ATP2C2: variants seen among roughly 807,000 people sequenced by gnomAD.
ATP2C2 encodes the protein calcium-transporting ATPase type 2C member 2.
ATP2C2 carries 171 observed loss-of-function variants against 110.8 expected under a neutral mutation model. That is an observed-to-expected ratio of 1.54 (90% CI 1.36 to 1.75). The LOEUF (loss-of-function observed/expected upper bound fraction) is 1.75, where lower values mean the gene tolerates loss of function less well. Among genes scored for constraint, ATP2C2 ranks in the 40% most tolerant of loss-of-function variants. The pLI, the probability that ATP2C2 is intolerant of heterozygous loss-of-function variation, is 0.00. For synonymous variants in ATP2C2, 804 were observed against 508.4 expected (o/e 1.58, Z -7.82); for missense variants, 1,963 against 1,235.0 (o/e 1.59, Z -8.84).
Position 84,440,783 on chromosome 16 carries a change from C to T in ATP2C2, c.1210-74C>T. 6.1e-6 allele frequency: 7 copies of T among 1,141,622 alleles called. No individual in the cohort carries two copies. In the South Asian group the frequency reaches 9.1e-5, roughly 15 times the overall value. The allele number at this position is 1,141,622 out of a possible 1,614,324, so 70.7% of individuals were successfully genotyped here. On this transcript the variant is annotated intron_variant, in intron 13 of 26. Transcript: ENST00000262429. The stretch of plus-strand genomic sequence containing the variant: ...GTGTCCCTGGAATGGATCCCCAGGA[C>T]AGAGATTGTGGGCCAACTGGGGGAG...
At chr16:84,437,813 G>C (rs1166839812) in intron 11 of ATP2C2, among the ~76,000 whole-genome samples, 3 of 152,216 alleles carry the variant, frequency 2.0e-5, no homozygotes, top group African/African-American at 7.2e-5. Flanking sequence ...ACCACCCCCT[G>C]CCTAGAACAT....
At chr16:84,375,953 G>A (rs900473047) in intron 1 of ATP2C2, among the ~76,000 whole-genome samples, 15 of 152,188 alleles carry the variant, frequency 9.9e-5, no homozygotes, top group African/African-American at 3.4e-4. Flanking sequence ...TTCTGGGCTC[G>A]GTGGGGGTAG....
intron 7 of ATP2C2, among the ~76,000 whole-genome samples, chr16:84,421,204 T>G (rs1268596203): frequency 1.3e-5 from 2 of 152,200 alleles, no homozygotes; most frequent in Admixed American, 6.5e-5. Context: ...TGACTTCTTA[T>G]GCTTCATTGT....
intron 17 of ATP2C2, among the ~76,000 whole-genome samples, chr16:84,450,077 C>CT: frequency 6.6e-6 from 1 of 152,362 alleles, no homozygotes; most frequent in Non-Finnish European, 1.5e-5. Context: ...GGGACTTGCT[C>CT]CAGGCCTTGC....
intron 1 of ATP2C2, among the ~76,000 whole-genome samples, chr16:84,390,935 C>A (rs1288902524): frequency 9.2e-5 from 14 of 151,846 alleles, no homozygotes; most frequent in Admixed American, 9.2e-4. Flanking sequence ...CCAACATGTT[C>A]AAACCCCGTC....
At chr16:84,456,436 CAG>C (rs1472641330) in intron 21 of ATP2C2, among the ~76,000 whole-genome samples, 1 of 149,996 alleles carries the variant, frequency 6.7e-6, no homozygotes, top group Non-Finnish European at 1.5e-5. Flanking sequence ...TGGCACAAGA[CAG>C]GGATGCCCTC....
chr16:84,368,569 C>T lies in ATP2C2; in HGVS notation c.-47C>T, dbSNP rs200474775. The T allele has an allele frequency of 3.1e-4, 443 of 1,438,348 alleles. 4 individuals are homozygous for T. The African/African-American group carries it at 5.9e-3, about 19-fold the overall frequency. The allele number at this position is 1,438,348 out of a possible 1,614,324, so 89.1% of individuals were successfully genotyped here. Reference sequence around the variant, plus strand: ...CTTGGGCGCGCGCAGCCATCCCGGGCCTCGCCGGGGACCTAGGGACGCAGG... The same window carrying T: ...CTTGGGCGCGCGCAGCCATCCCGGGTCTCGCCGGGGACCTAGGGACGCAGG... On this transcript the variant is annotated 5_prime_UTR_variant, in exon 1 of 27. Coordinates refer to ENST00000262429, the MANE Select transcript of ATP2C2 (RefSeq NM_014861.4).
chr16:84,439,642 C>T (rs1474041711), intron 13 of ATP2C2, 118 bp downstream of exon 13: 4 of 958,208 alleles, frequency 4.2e-6, no homozygotes, highest in Admixed American at 2.0e-5. Context: ...TTGGGGTCAT[C>T]TTATAATCTC....
intron 11 of ATP2C2, 189 bp from the exon 12 acceptor site, chr16:84,438,977 G>T: frequency 1.4e-6 from 1 of 729,158 alleles, no homozygotes; most frequent in Non-Finnish European, 2.1e-6. Flanking sequence ...GGGTCTGCAG[G>T]GGAGGGCTCA....
At chr16:84,422,255 T>C in intron 7 of ATP2C2, 135 bp from the exon 8 acceptor site, 2 of 1,066,348 alleles carry the variant, frequency 1.9e-6, no homozygotes, top group Admixed American at 2.7e-5. Context: ...GAGGCCGTCG[T>C]TGTGACACTC....
rs920558436 is a variant in ATP2C2 at position 84,452,325 on chromosome 16, C to T, written c.1831+234C>T. On this transcript the variant is annotated intron_variant, in intron 18 of 26. Transcript: ENST00000262429. ...GGGAAGTTCTCATGGATACTGAGGACCTACTGTGTGTCAGGGGCTTTTCAT... is the reference window on the plus strand; with the variant it reads ...GGGAAGTTCTCATGGATACTGAGGATCTACTGTGTGTCAGGGGCTTTTCAT... Among the ~76,000 whole-genome samples, 8 of 152,230 alleles carry T rather than the reference C, an allele frequency of 5.3e-5. No homozygotes were observed. In the East Asian group the frequency reaches 9.7e-4, roughly 18 times the overall value.
chr16:84,408,366 G>T (rs781723787), intron 3 of ATP2C2, 39 bp from the exon 4 acceptor site: 1 of 1,587,570 alleles, frequency 6.3e-7, no homozygotes, highest in Middle Eastern at 1.7e-4. Context: ...TGGTCCCTGA[G>T]ACTAAAGAAC....
rs1232311730 is a variant in ATP2C2, at chr16:84,459,287, G to C, written c.2234G>C (p.Ser745Thr). 6 of 1,614,186 alleles carry C rather than the reference G, an allele frequency of 3.7e-6. No homozygotes were observed. In the Middle Eastern group the frequency reaches 6.6e-4, roughly 178 times the overall value. ...CCCCGCAGGAGCATCTCCGCCCTGA[G>C]TCTCATCACTCTGTCCACCGTGTTC... ...FQLSTSISALSLITLSTVFNL... is the reference protein window; with the variant it reads ...FQLSTSISALTLITLSTVFNL... The change falls in exon 23 of 27, where the codon AGT becomes ACT. Residue 745 changes from serine to threonine, a missense_variant. Physicochemically the swap from Ser to Thr is moderately conservative, Grantham distance 58. Transcript: ENST00000262429.
chr16:84,461,891 T>C (rs988729374), intron 25 of ATP2C2, 79 bp downstream of exon 25: 38 of 1,608,000 alleles, frequency 2.4e-5, no homozygotes, highest in African/African-American at 1.3e-5. Context: ...GCCCGCAGCA[T>C]TGAGCGGCTC....
intron 16 of ATP2C2, among the ~76,000 whole-genome samples, chr16:84,447,360 T>G (rs1909845626): frequency 6.6e-6 from 1 of 152,132 alleles, no homozygotes; most frequent in Non-Finnish European, 1.5e-5. Flanking sequence ...GGTAATATAT[T>G]CTCATTGAAA....
intron 7 of ATP2C2, among the ~76,000 whole-genome samples, chr16:84,416,931 AG>A (rs1410786726): frequency 3.9e-5 from 1 of 25,914 alleles, no homozygotes; most frequent in Non-Finnish European, 1.1e-4. Flanking sequence ...GGGTCCTAAC[AG>A]GGGATGCTCC....
chr16:84,452,186 C>G (rs1910348880), intron 18 of ATP2C2, 95 bp downstream of exon 18: 3 of 1,471,954 alleles, frequency 2.0e-6, no homozygotes, highest in South Asian at 1.2e-5. Flanking sequence ...CAAACTCGGT[C>G]AGGAGTGCTC....
At chr16:84,381,398 G>C (rs1910571653) in intron 1 of ATP2C2, among the ~76,000 whole-genome samples, 1 of 152,076 alleles carries the variant, frequency 6.6e-6, no homozygotes, top group African/African-American at 2.4e-5. Context: ...GCCTGACAGT[G>C]AAACCTCATC....
rs1188158770 is a variant in ATP2C2, at chr16:84,422,479, C to G, written c.714C>G (p.Asp238Glu). ...KTDSPLTGGGDLTTLSNIVFM... is the reference protein window; with the variant it reads ...KTDSPLTGGGELTTLSNIVFM... ...ACAGCCCCTTGACAGGCGGTGGGGA[C>G]CTCACCACCCTCAGCAACATCGTCT... The change falls in exon 8 of 27, where the codon GAC becomes GAG. Residue 238 changes from aspartate to glutamate, a missense_variant. Asp to Glu is a conservative substitution (Grantham distance 45). Transcript: ENST00000262429. 4 of 1,614,072 alleles carry G rather than the reference C, an allele frequency of 2.5e-6. No homozygotes were observed. Among genetic ancestry groups the G allele is most frequent in the Admixed American group, 3.3e-5 (2 of 60,012 alleles).
Sources: allele counts gnomAD v4.1 joint callset (sites outside exome capture counted in the v4.1 genomes callset), GRCh38; gene constraint gnomAD v4.1.1; transcripts MANE v1.5; gene names NCBI Gene and HGNC (gene_info 2026-07-23, HGNC 2026-07-21).